The following CELF4 variants were observed in gnomAD, a reference collection of about 807,000 sequenced individuals.
The protein encoded by CELF4 is CUGBP Elav-like family member 4.
In CELF4, 18 loss-of-function variants were observed where a neutral mutation model predicts 59.9. That is an observed-to-expected ratio of 0.30 (90% CI 0.21 to 0.45). CELF4 has a LOEUF of 0.45. Among genes scored for constraint, CELF4 ranks in the 20% least tolerant of loss-of-function variants. The pLI is 1.00. For missense variants in CELF4, 456 were observed against 689.0 expected, an observed-to-expected ratio of 0.66 and a Z score of 3.79; for synonymous variants, 261 against 267.1, an observed-to-expected ratio of 0.98 and a Z score of 0.22.
chr18:37,539,054 C>T (rs1347853040), intron 1 of CELF4, among the ~76,000 whole-genome samples: 1 of 152,140 alleles, frequency 6.6e-6, no homozygotes, highest in Admixed American at 6.5e-5. Context: ...AAGCAATCCT[C>T]GGTCTCATCA....
chr18:37,556,811 CATTAA>C (rs1399148625), intron 1 of CELF4, among the ~76,000 whole-genome samples: 1 of 152,290 alleles, frequency 6.6e-6, no homozygotes, highest in Non-Finnish European at 1.5e-5. Flanking sequence ...GTGACTGCAT[CATTAA>C]ATTAGAATAA....
chr18:37,275,882 TC>T (rs2093140948), intron 3 of CELF4: 1 of 152,204 alleles, frequency 6.6e-6, no homozygotes, highest in African/African-American at 2.4e-5. Context: ...AGCTCTCCTT[TC>T]CCACCCATTC....
chr18:37,325,622 G>A (rs1366017419), intron 2 of CELF4, among the ~76,000 whole-genome samples: 1 of 152,188 alleles, frequency 6.6e-6, no homozygotes, highest in East Asian at 1.9e-4. Context: ...GCGTGCTGTT[G>A]GGCTCACCCC....
rs1341658820 is a variant in CELF4, at chr18:37,321,845, C to T, written c.406G>A (p.Glu136Lys). The change falls in exon 3 of 13, where the codon GAG becomes AAG. Residue 136 changes from glutamate (E) to lysine (K), a missense_variant. Glu to Lys is a moderately conservative substitution (Grantham distance 56). Coordinates refer to ENST00000420428, the MANE Select transcript of CELF4 (RefSeq NM_020180.4). ...AGGCAGCTACTACCTCCTCGGCTCT[C>T]GCTGTCCGCAGGCTTCACCTGGATC... ...RPIQVKPADS[E>K]SRGGSSCLRQ... The T allele has an allele frequency of 6.2e-7, 1 of 1,613,486 alleles. No individual in the cohort carries two copies. Among genetic ancestry groups the T allele is most frequent in the Non-Finnish European group, 8.5e-7 (1 of 1,179,694 alleles).
intron 1 of CELF4, among the ~76,000 whole-genome samples, chr18:37,531,451 A>G (rs774334517): frequency 6.6e-6 from 1 of 152,160 alleles, no homozygotes; most frequent in Non-Finnish European, 1.5e-5. Flanking sequence ...AAACAAAAAT[A>G]GCACCTCGCT....
intron 3 of CELF4, among the ~76,000 whole-genome samples, chr18:37,307,786 G>C (rs2096490142): frequency 6.7e-6 from 1 of 148,644 alleles, no homozygotes; most frequent in African/African-American, 2.6e-5. Context: ...GTCTCTGTGA[G>C]AGACAGGAGT....
chr18:37,447,115 G>A lies in CELF4; in HGVS notation c.369+38410C>T, dbSNP rs1247449154. 3.3e-5 allele frequency among the ~76,000 whole-genome samples: 5 copies of A among 152,262 alleles called. No individual in the cohort carries two copies. In the East Asian group the frequency reaches 5.8e-4, roughly 18 times the overall value. ...TAAGAAAAGAAAAAAAAAATAATCCGATAAAGGGCAGGGTCTCATTATTGT... is the reference window on the plus strand; with the variant it reads ...TAAGAAAAGAAAAAAAAAATAATCCAATAAAGGGCAGGGTCTCATTATTGT... On this transcript the variant is annotated intron_variant, in intron 2 of 12. Transcript: ENST00000420428.
At chr18:37,275,458 G>A (rs2092991140) in intron 3 of CELF4, among the ~76,000 whole-genome samples, 1 of 152,016 alleles carries the variant, frequency 6.6e-6, no homozygotes, top group Non-Finnish European at 1.5e-5. Flanking sequence ...GGGTAGGAGC[G>A]CACAGTCGCG....
chr18:37,281,667 C>G (rs752277267), intron 3 of CELF4, among the ~76,000 whole-genome samples: 5 of 152,020 alleles, frequency 3.3e-5, no homozygotes, highest in Non-Finnish European at 1.5e-5. Flanking sequence ...GAGCTGGAGG[C>G]CTCTTTCCTG....
At position 37,266,584 on chromosome 18, in the gene CELF4, C is replaced by A. The variant is rs754319239; in HGVS notation, c.1114G>T (p.Ala372Ser). 1 of 1,592,836 alleles carries A rather than the reference C, an allele frequency of 6.3e-7. No individual in the cohort carries two copies. The highest frequency in any genetic ancestry group is 1.1e-5 in the South Asian group (1 of 87,246). ...TAGGCCTGCTGCAGGGGGTCCGCGG[C>A]GGTGGGGCTCTGTGCTGTAGGGAGC... Reference protein sequence around the residue: ...IHPYPAQSPTAADPLQQAYAG... With the variant: ...IHPYPAQSPTSADPLQQAYAG... Residue 372 changes from alanine (A) to serine (S), a missense_variant, in exon 9 of 13, where the codon GCC becomes TCC. This residue lies in a region of CELF4 where 256 missense variants were observed against 340.8 expected (regional missense o/e 0.75). Transcript: ENST00000420428.
At chr18:37,304,503 T>A (rs564231640) in intron 3 of CELF4, among the ~76,000 whole-genome samples, 1 of 151,812 alleles carries the variant, frequency 6.6e-6, no homozygotes, top group South Asian at 2.1e-4. Context: ...ATGCAGGAGG[T>A]GTGTGGGGCA....
At chr18:37,308,963 C>T (rs986951373) in intron 3 of CELF4, among the ~76,000 whole-genome samples, 2 of 152,134 alleles carry the variant, frequency 1.3e-5, no homozygotes, top group African/African-American at 4.8e-5. Context: ...GCTGGGCTTG[C>T]ACCTGGGCAG....
chr18:37,336,661 C>T (rs2097779972), intron 2 of CELF4, among the ~76,000 whole-genome samples: 1 of 35,316 alleles, frequency 2.8e-5, no homozygotes, highest in African/African-American at 1.3e-4. Context: ...GGCACACGTG[C>T]ATGCCAGCAG....
Position 37,245,928 on chromosome 18 carries a change from T to C in CELF4, c.*45-731A>G, listed in dbSNP as rs1238442283. On this transcript the variant is annotated intron_variant, in intron 12 of 12. Transcript: ENST00000420428. The surrounding 1 kb of genome is among the most constrained non-coding windows in gnomAD (Gnocchi z 4.1). ...CTTCAAGGGAGTGGATGGGAAAACC[T>C]AAAAAAGGTCAGAAGAGATTTAATT... is the stretch of plus-strand genomic sequence containing the variant. 6.6e-6 allele frequency among the ~76,000 whole-genome samples: 1 copy of C among 152,158 alleles called. No individual in the cohort carries two copies. Among genetic ancestry groups the C allele is most frequent in the Non-Finnish European group, 1.5e-5 (1 of 68,022 alleles).
intron 11 of CELF4, among the ~76,000 whole-genome samples, chr18:37,256,323 A>G (rs1786065): frequency 0.44 from 67,250 of 152,096 alleles, 17,391 homozygotes; most frequent in African/African-American, 0.73. Context: ...AAATTTACAC[A>G]TGTGCTTATA....
At chr18:37,463,217 G>A (rs148610158) in intron 2 of CELF4, among the ~76,000 whole-genome samples, 46 of 152,296 alleles carry the variant, frequency 3.0e-4, no homozygotes, top group African/African-American at 1.0e-3. Flanking sequence ...ACCCAAGTGA[G>A]GGGCCCTCCT....
rs1474115677 is a variant in CELF4 at position 37,554,013 on chromosome 18, G to C, written c.286+11343C>G. On this transcript the variant is annotated intron_variant, in intron 1 of 12. Transcript: ENST00000420428. ...GAAAAAGGTGTAAAGAAGTGGTCTA[G>C]CTTCTGGGCTCTCTGCTGTTCTCCC... Among the ~76,000 whole-genome samples the C allele has an allele frequency of 2.6e-5, 4 of 152,364 alleles. No individual in the cohort carries two copies. In the East Asian group the frequency reaches 5.8e-4, roughly 22 times the overall value.
chr18:37,345,944 C>T lies in CELF4; in HGVS notation c.370-24063G>A, dbSNP rs181976600. On this transcript the variant is annotated intron_variant, in intron 2 of 12. Coordinates refer to ENST00000420428, the MANE Select transcript of CELF4 (RefSeq NM_020180.4). ...AGTGCATGCCTGGCCCCCGGAGCCC[C>T]CAGGAGTTCTGTCCCATTTCCTGGA... Among the ~76,000 whole-genome samples, 1,118 of 152,154 alleles carry T rather than the reference C, an allele frequency of 7.3e-3. 5 individuals carry two copies. Among genetic ancestry groups the T allele is most frequent in the Admixed American group, 0.014 (211 of 15,292 alleles).
intron 1 of CELF4, among the ~76,000 whole-genome samples, chr18:37,562,932 C>T (rs1050358331): frequency 1.9e-4 from 29 of 152,190 alleles, no homozygotes; most frequent in Admixed American, 1.4e-3. Flanking sequence ...GCTGCGACAA[C>T]GAGGAACCCA....
Sources: allele counts gnomAD v4.1 joint callset (sites outside exome capture counted in the v4.1 genomes callset), GRCh38; gene constraint gnomAD v4.1.1; regional missense constraint gnomAD v4.1.1; non-coding constraint Gnocchi (gnomAD v3.1); transcripts MANE v1.5; gene names NCBI Gene and HGNC (gene_info 2026-07-23, HGNC 2026-07-21).